SYTL3: variants seen among roughly 807,000 people sequenced by gnomAD.
SYTL3 encodes synaptotagmin like 3, also known as synaptotagmin-like protein 3.
Under a neutral mutation model 82.1 loss-of-function variants are expected in SYTL3, and 88 were observed. The ratio of observed to expected loss-of-function variants is 1.07; its 90% CI spans 0.90 to 1.28. The LOEUF is 1.28. Among genes scored for constraint, SYTL3 ranks in the 50% most tolerant of loss-of-function variants. The pLI is 0.00. For synonymous variants in SYTL3, 311 were observed against 289.4 expected, an observed-to-expected ratio of 1.07 and a Z score of -0.76; for missense variants, 831 against 757.6, an observed-to-expected ratio of 1.10 and a Z score of -1.14.
chr6:158,734,415 C>G (rs533960730), intron 11 of SYTL3, among the ~76,000 whole-genome samples: 1 of 152,198 alleles, frequency 6.6e-6, no homozygotes, highest in African/African-American at 2.4e-5. Flanking sequence ...CCCATGACAG[C>G]CGGTGGGATC....
At chr6:158,761,978 C>T in intron 15 of SYTL3, 98 bp from the exon 16 acceptor site, 1 of 810,272 alleles carries the variant, frequency 1.2e-6, no homozygotes, top group Non-Finnish European at 2.0e-6. Flanking sequence ...AGGGCTGTAG[C>T]AGATTCTCTA....
At position 158,663,138 on chromosome 6, in the gene SYTL3, A is replaced by G. The variant is rs553769137; in HGVS notation, c.-131A>G. On this transcript the variant is annotated 5_prime_UTR_variant, in exon 4 of 18. Transcript: ENST00000611299. ...AAGAACCACAAGCAAAACAGTTGCC[A>G]GTGAAATAGGAGAGGGAGCTCTTTA... 1.2e-5 allele frequency: 8 copies of G among 685,016 alleles called. No homozygotes were observed. The African/African-American group carries it at 1.3e-4, about 11-fold the overall frequency. 42.4% of individuals were successfully genotyped at this position (685,016 alleles called of 1,614,324 possible).
At chr6:158,737,566 C>G (rs1786348754) in intron 11 of SYTL3, among the ~76,000 whole-genome samples, 1 of 152,194 alleles carries the variant, frequency 6.6e-6, no homozygotes, top group Non-Finnish European at 1.5e-5. Flanking sequence ...GATTGACTTT[C>G]TTTCAAACCC....
intron 11 of SYTL3, among the ~76,000 whole-genome samples, chr6:158,730,954 G>C (rs561788690): frequency 2.0e-4 from 31 of 152,306 alleles, no homozygotes; most frequent in East Asian, 5.8e-4. Flanking sequence ...TCCCCATTAG[G>C]GGGGAGATTA....
At chr6:158,652,147 C>CA (rs1343301540) in intron 2 of SYTL3, among the ~76,000 whole-genome samples, 5 of 152,054 alleles carry the variant, frequency 3.3e-5, no homozygotes, top group Admixed American at 2.0e-4. Flanking sequence ...AGGCTGGTCT[C>CA]AAACTCCTGA....
intron 6 of SYTL3, among the ~76,000 whole-genome samples, chr6:158,703,339 C>T (rs113228129): frequency 0.022 from 3,319 of 152,052 alleles, 67 homozygotes; most frequent in South Asian, 0.05. Flanking sequence ...CTGGCAAAGA[C>T]GGGTATCCCT....
At chr6:158,646,669 C>A (rs1015396585), upstream of SYTL3, among the ~76,000 whole-genome samples, 1 of 152,200 alleles carries the variant, frequency 6.6e-6, no homozygotes, top group Non-Finnish European at 1.5e-5. Flanking sequence ...ACTTGCTGGG[C>A]AGGCTGGTTG....
intron 17 of SYTL3, among the ~76,000 whole-genome samples, chr6:158,763,957 G>T (rs1425805304): frequency 6.6e-6 from 1 of 152,182 alleles, no homozygotes; most frequent in East Asian, 1.9e-4. Flanking sequence ...TCTGTGCCTG[G>T]CACTGCTTCT....
Position 158,763,347 on chromosome 6 carries a change from CCA to C in SYTL3, c.1562_1563del (p.Pro521ArgfsTer92), listed in dbSNP as rs1790262118. ...CCAACAAAAACTGAGACTGAAGTCG[CCA>C]GTCCTGAGGAAGCAGGCTTGCCCCC... ...PDQQKLRLKS[P>X]VLRKQACPQW... On this transcript the variant is annotated frameshift_variant, in exon 17 of 18. Coordinates refer to ENST00000611299, the MANE Select transcript of SYTL3 (RefSeq NM_001242394.2). LOFTEE classifies it high-confidence loss of function. 6.2e-7 allele frequency: 1 copy of C among 1,614,224 alleles called. No homozygotes were observed. The highest frequency in any genetic ancestry group is 1.6e-4 in the Middle Eastern group (1 of 6,062).
rs139885394 is a variant in SYTL3 at position 158,761,510 on chromosome 6, A to G, written c.1415-566A>G. Among the ~76,000 whole-genome samples the G allele has an allele frequency of 3.8e-3, 575 of 151,780 alleles. 1 individual carries two copies. The highest frequency in any genetic ancestry group is 0.02 in the East Asian group (102 of 5,160). ...CTTTAAGTAGAGACAGGGTTTCACCATGTTAGCCAGGATGGTCTCGATCTC... is the reference window on the plus strand; with the variant it reads ...CTTTAAGTAGAGACAGGGTTTCACCGTGTTAGCCAGGATGGTCTCGATCTC... On this transcript the variant is annotated intron_variant, in intron 15 of 17. Transcript: ENST00000611299.
At chr6:158,668,225 C>CTTTT (rs888790211) in intron 5 of SYTL3, among the ~76,000 whole-genome samples, 1 of 20,582 alleles carries the variant, frequency 4.9e-5, no homozygotes, top group Non-Finnish European at 8.7e-5. Flanking sequence ...AGGGCAGAGT[C>CTTTT]TTTTATTTAT....
chr6:158,659,255 T>G (rs1789072071), intron 2 of SYTL3, among the ~76,000 whole-genome samples: 1 of 152,222 alleles, frequency 6.6e-6, no homozygotes, highest in East Asian at 1.9e-4. Flanking sequence ...ATCCTTGGCT[T>G]TAATTTGAGG....
intron 11 of SYTL3, among the ~76,000 whole-genome samples, chr6:158,729,646 A>G (rs1785162255): frequency 6.8e-6 from 1 of 147,776 alleles, no homozygotes; most frequent in South Asian, 2.1e-4. Flanking sequence ...AGCTCACTGC[A>G]AGCTCCGCCT....
Position 158,651,756 on chromosome 6 carries a change from C to G in SYTL3, c.-723C>G, listed in dbSNP as rs1024726144. 2.0e-5 allele frequency: 3 copies of G among 151,674 alleles called. No individual in the cohort carries two copies. The highest frequency in any genetic ancestry group is 7.3e-5 in the African/African-American group (3 of 41,348). The allele number at this position is 151,674 out of a possible 1,614,324, so 9.4% of individuals were successfully genotyped here. A position where few individuals can be genotyped will look rare whatever the true frequency, so the allele number is the denominator to read the frequency against. ...TGTTGTTTTTGGGTGGTAAAAGGCT[C>G]CCCGAATGAGAAAGAATACTCGGAA... On this transcript the variant is annotated 5_prime_UTR_variant, in exon 2 of 18. Transcript: ENST00000611299.
chr6:158,723,990 C>CCCTCTCAGGCTTACCCCAGCAAG (rs1784422537), intron 10 of SYTL3, among the ~76,000 whole-genome samples: 1 of 152,168 alleles, frequency 6.6e-6, no homozygotes, highest in Admixed American at 6.5e-5. Flanking sequence ...GGAAGGCCTT[C>CCCTCTCAGGCTTACCCCAGCAAG]CCTCTCAGGC....
In SYTL3 at chr6:158,663,290, A is replaced by G. The variant is rs1165384798; in HGVS notation, c.22A>G (p.Ser8Gly). The G allele has an allele frequency of 3.1e-6, 5 of 1,614,020 alleles. No individual in the cohort carries two copies. The highest frequency in any genetic ancestry group is 4.2e-6 in the Non-Finnish European group (5 of 1,180,034). Reference sequence around the variant, plus strand: ...AGAAATGGCCCAAGAAATAGATCTGAGTGCTCTCAAGGAGTTAGAACGCGA... The same window carrying G: ...AGAAATGGCCCAAGAAATAGATCTGGGTGCTCTCAAGGAGTTAGAACGCGA... MAQEIDL[S>G]ALKELEREAI... is the part of the protein sequence containing the mutation. The change falls in exon 4 of 18, where the codon AGT becomes GGT. Residue 8 changes from serine to glycine, a missense_variant. Ser to Gly is a moderately conservative substitution (Grantham distance 56, BLOSUM62 0). Coordinates refer to ENST00000611299, the MANE Select transcript of SYTL3 (RefSeq NM_001242394.2).
intron 11 of SYTL3, among the ~76,000 whole-genome samples, chr6:158,737,758 C>T (rs1196722406): frequency 6.6e-6 from 1 of 152,210 alleles, no homozygotes; most frequent in Non-Finnish European, 1.5e-5. Flanking sequence ...AGCCATGAGT[C>T]GCCTGGGAAG....
intron 11 of SYTL3, among the ~76,000 whole-genome samples, chr6:158,729,045 T>A (rs563176229): frequency 2.6e-5 from 4 of 152,176 alleles, no homozygotes; most frequent in Non-Finnish European, 5.9e-5. Context: ...AGAGCGAGAC[T>A]CTGTCTCAAA....
intron 9 of SYTL3, 66 bp downstream of exon 9, chr6:158,713,944 G>C: frequency 8.1e-7 from 1 of 1,229,956 alleles, no homozygotes; most frequent in Non-Finnish European, 1.2e-6. Flanking sequence ...ACTGGCCAGG[G>C]CCTGGCCGGT....
Sources: gnomAD v4.1 joint callset for allele counts (sites outside exome capture counted in the v4.1 genomes callset) on GRCh38, gnomAD v4.1.1 for gene constraint, MANE v1.5 for transcripts, NCBI Gene and HGNC (gene_info 2026-07-23, HGNC 2026-07-21) for gene names.